Variants in TANK observed in about 807,000 individuals in gnomAD.
TANK encodes the protein TRAF family member-associated NF-kappa-B activator.
Under a neutral mutation model 43.6 loss-of-function variants are expected in TANK, and 15 were observed. That is an observed-to-expected ratio of 0.34 (90% CI 0.23 to 0.53). TANK has a LOEUF of 0.53. Ranked by LOEUF, TANK falls within the 20% of genes least tolerant of loss-of-function variation. TANK has a pLI of 0.94. For synonymous variants in TANK, 162 were observed against 178.2 expected (o/e 0.91, Z 0.73); for missense variants, 417 against 498.6 (o/e 0.84, Z 1.56).
chr2:161,232,809 G>A, intron 7 of TANK: 1 of 1,550,542 alleles, frequency 6.4e-7, no homozygotes, highest in Non-Finnish European at 8.7e-7. Context: ...GGAAACAGCT[G>A]GTATGTGATT....
intron 1 of TANK, among the ~76,000 whole-genome samples, chr2:161,172,874 C>G (rs1043912988): frequency 4.6e-5 from 7 of 152,144 alleles, no homozygotes; most frequent in African/African-American, 1.2e-4. Flanking sequence ...TTCCCCTGCT[C>G]TAGTTCAAGC....
rs192886328 is a variant in TANK, at chr2:161,144,808, T to C, written c.-50+7745T>C. On this transcript the variant is annotated intron_variant, in intron 1 of 7. Transcript: ENST00000259075. ...GGTGGACAGTTTTGTAGATTTCTAT[T>C]AGGTCCACTTGATCCAGAGCTGAGT... 5.3e-3 allele frequency among the ~76,000 whole-genome samples: 802 copies of C among 152,292 alleles called. 7 individuals carry two copies. Among genetic ancestry groups the C allele is most frequent in the African/African-American group, 0.018 (743 of 41,558 alleles).
intron 1 of TANK, among the ~76,000 whole-genome samples, chr2:161,174,774 TTGTTATGCTTAAGAA>T (rs1196142421): frequency 3.3e-5 from 5 of 152,162 alleles, no homozygotes; most frequent in African/African-American, 1.2e-4. Flanking sequence ...GTAACCATCA[TTGTTATGCTTAAGAA>T]TTGTCTCAGG....
chr2:161,174,661 C>G (rs1685099971), intron 1 of TANK, among the ~76,000 whole-genome samples: 1 of 152,104 alleles, frequency 6.6e-6, no homozygotes, highest in African/African-American at 2.4e-5. Flanking sequence ...GTCTTAATAA[C>G]AAAGAAAATC....
intron 4 of TANK, chr2:161,207,770 T>G: frequency 1.0e-6 from 1 of 985,426 alleles, no homozygotes; most frequent in Non-Finnish European, 1.2e-6. Context: ...TATGGTTATA[T>G]TCAAGCTTCT....
chr2:161,214,467 C>T (rs1000225527), intron 4 of TANK, among the ~76,000 whole-genome samples: 7 of 150,868 alleles, frequency 4.6e-5, no homozygotes, highest in Admixed American at 3.3e-4. Flanking sequence ...ATCACTTTTA[C>T]TGCCTTATTA....
At chr2:161,163,393 A>T (rs1684528506) in intron 1 of TANK, 1 of 152,100 alleles carries the variant, frequency 6.6e-6, no homozygotes, top group South Asian at 2.1e-4. Context: ...TGCTGTACTG[A>T]TGCTGGTTAT....
At chr2:161,196,370 T>A (rs1382893910) in intron 2 of TANK, among the ~76,000 whole-genome samples, 3 of 151,958 alleles carry the variant, frequency 2.0e-5, no homozygotes, top group African/African-American at 7.3e-5. Flanking sequence ...GAAGAAAAAT[T>A]TGAGCTACTG....
intron 4 of TANK, chr2:161,216,382 G>A (rs778897983): frequency 6.4e-6 from 3 of 468,262 alleles, no homozygotes; most frequent in South Asian, 4.7e-5. Context: ...TTTTACCTGT[G>A]CTGCAGCCTG....
intron 7 of TANK, among the ~76,000 whole-genome samples, chr2:161,233,082 A>C (rs1047859272): frequency 2.1e-4 from 32 of 152,228 alleles, no homozygotes; most frequent in Admixed American, 3.9e-4. Flanking sequence ...AGCTAGTATA[A>C]GTACAAAATT....
At chr2:161,177,603 A>T (rs887751130) in intron 1 of TANK, among the ~76,000 whole-genome samples, 9 of 152,128 alleles carry the variant, frequency 5.9e-5, no homozygotes, top group Non-Finnish European at 1.3e-4. Flanking sequence ...GAAAATCTTC[A>T]TGACCCTGGA....
At position 161,212,886 on chromosome 2, in the gene TANK, A is replaced by C. The variant is rs139530423; in HGVS notation, c.327+8093A>C. ...GAGGCTGGGGATTTATAAAGAAAAA[A>C]GGTTTATTTGGCTCATGATTTTGAT... On this transcript the variant is annotated intron_variant, in intron 4 of 7. Coordinates refer to ENST00000392749, the MANE Select transcript of TANK (RefSeq NM_001199135.3). 4.6e-6 allele frequency: 3 copies of C among 648,876 alleles called. No homozygotes were observed. The African/African-American group carries it at 5.9e-5, about 13-fold the overall frequency. 40.2% of individuals were successfully genotyped at this position (648,876 alleles called of 1,614,324 possible). A position where few individuals can be genotyped will look rare whatever the true frequency, so the allele number is the denominator to read the frequency against.
chr2:161,162,131 T>C (rs568462177), intron 1 of TANK, among the ~76,000 whole-genome samples: 4 of 152,272 alleles, frequency 2.6e-5, no homozygotes, highest in African/African-American at 9.6e-5. Context: ...CTCCTTAATA[T>C]AGTAAATTCT....
At chr2:161,233,168 A>G (rs10166292) in intron 7 of TANK, among the ~76,000 whole-genome samples, 17,320 of 152,072 alleles carry the variant, frequency 0.11, 1,692 homozygotes, top group African/African-American at 0.26. Flanking sequence ...AGGATTGATT[A>G]AGCCTAGGAA....
chr2:161,168,443 A>G (rs1216141464), intron 1 of TANK, among the ~76,000 whole-genome samples: 1 of 152,168 alleles, frequency 6.6e-6, no homozygotes. Context: ...CCAAACACCT[A>G]TTGCTATGAT....
At chr2:161,147,608 T>C (rs1683952898) in intron 1 of TANK, among the ~76,000 whole-genome samples, 1 of 152,220 alleles carries the variant, frequency 6.6e-6, no homozygotes, top group African/African-American at 2.4e-5. Context: ...CGCACCATAA[T>C]GGTCTTCCTT....
intron 2 of TANK, among the ~76,000 whole-genome samples, chr2:161,192,169 T>C (rs1685946281): frequency 6.6e-6 from 1 of 152,152 alleles, no homozygotes. Flanking sequence ...TAAATTTATA[T>C]TCCTAGTCCA....
At chr2:161,157,078 G>A (rs554932473), upstream of TANK, among the ~76,000 whole-genome samples, 2 of 137,390 alleles carry the variant, frequency 1.5e-5, no homozygotes, top group South Asian at 4.1e-4. Flanking sequence ...AGGGCAAAGA[G>A]GTGTAAAATA....
chr2:161,204,619 G>A (rs1686564487), intron 3 of TANK, 56 bp from the exon 4 acceptor site: 7 of 1,537,074 alleles, frequency 4.6e-6, no homozygotes, highest in Non-Finnish European at 6.1e-6. Flanking sequence ...TGCTTTTTCA[G>A]GTGGTACCAA....
Sources: allele counts gnomAD v4.1 joint callset (sites outside exome capture counted in the v4.1 genomes callset), GRCh38; gene constraint gnomAD v4.1.1; transcripts MANE v1.5; gene names NCBI Gene and HGNC (gene_info 2026-07-23, HGNC 2026-07-21).